Variants in RASGRF2 observed in about 807,000 individuals in gnomAD.
RASGRF2 encodes Ras protein specific guanine nucleotide releasing factor 2.
Under a neutral mutation model 151.0 loss-of-function variants are expected in RASGRF2, and 76 were observed. That is an observed-to-expected ratio of 0.50 (90% CI 0.42 to 0.61). The LOEUF (loss-of-function observed/expected upper bound fraction) is 0.61. RASGRF2 is among the 20% of genes least tolerant of loss of function. The pLI is 0.00. For missense variants in RASGRF2, 1,148 were observed against 1,564.6 expected (o/e 0.73, Z 4.49); for synonymous variants, 504 against 566.5 (o/e 0.89, Z 1.57).
At chr5:81,135,543 T>C (rs1008061783) in intron 17 of RASGRF2, among the ~76,000 whole-genome samples, 3 of 152,250 alleles carry the variant, frequency 2.0e-5, no homozygotes, top group African/African-American at 7.2e-5. Context: ...TGTGCCCTTT[T>C]GTGACTGGCT....
At position 80,961,021 on chromosome 5, in the gene RASGRF2, A is replaced by T. The variant is rs1266543670; in HGVS notation, c.283A>T (p.Lys95Ter). Reference sequence around the variant, plus strand: ...GGGAGGCGTCCGAGACGCGCTGGACAAGCAGGTACCGCGCGCCTTCTCTCC... The same window carrying T: ...GGGAGGCGTCCGAGACGCGCTGGACTAGCAGGTACCGCGCGCCTTCTCTCC... ...GQGGVRDALD[K>*]QYYFTVLFGH... Residue 95 changes from lysine (K) to a stop codon, truncating the protein, a stop_gained, in exon 1 of 27, where the codon AAG becomes TAG. Coordinates refer to ENST00000265080, the MANE Select transcript of RASGRF2 (RefSeq NM_006909.3). LOFTEE classifies it high-confidence loss of function. The T allele has an allele frequency of 6.8e-7, 1 of 1,476,284 alleles. No individual in the cohort carries two copies. 91.4% of individuals were successfully genotyped at this position (1,476,284 alleles called of 1,614,324 possible). A position where few individuals can be genotyped will look rare whatever the true frequency, so the allele number is the denominator to read the frequency against.
At chr5:81,013,682 A>G (rs1310974612) in intron 1 of RASGRF2, among the ~76,000 whole-genome samples, 1 of 151,754 alleles carries the variant, frequency 6.6e-6, no homozygotes, top group Non-Finnish European at 1.5e-5. Flanking sequence ...TGTTGTATGT[A>G]TTATCCCAGA....
In RASGRF2 at chr5:81,144,787, CAG is replaced by C. The variant is rs1203920220; in HGVS notation, c.2686+17629_2686+17630del. 3.3e-5 allele frequency among the ~76,000 whole-genome samples: 5 copies of C among 152,306 alleles called. No individual in the cohort carries two copies. In the East Asian group the frequency reaches 9.7e-4, roughly 29 times the overall value. On this transcript the variant is annotated intron_variant, in intron 17 of 26. Transcript: ENST00000265080. ...TATACTCAGGTTCCAGCAGAGGATA[CAG>C]AGAGTTAAGTAAATCACCTAAGGTC...
intron 18 of RASGRF2, among the ~76,000 whole-genome samples, chr5:81,197,797 A>G (rs1237946948): frequency 6.6e-6 from 1 of 152,262 alleles, no homozygotes; most frequent in Non-Finnish European, 1.5e-5. Flanking sequence ...GTCTGTACAT[A>G]TAAAGATATA....
At position 81,087,170 on chromosome 5, in the gene RASGRF2, G is replaced by A. The variant is rs902837660; in HGVS notation, c.1390+217G>A. The A allele has an allele frequency of 5.7e-6, 4 of 702,644 alleles. No individual in the cohort carries two copies. The Admixed American group carries it at 8.0e-5, about 14-fold the overall frequency. 43.5% of individuals were successfully genotyped at this position (702,644 alleles called of 1,614,324 possible). On this transcript the variant is annotated intron_variant, in intron 9 of 26. Coordinates refer to ENST00000265080, the MANE Select transcript of RASGRF2 (RefSeq NM_006909.3). ...AACACAATCATAGTAAAGCACGAGT[G>A]GGGCAGGCAGTTACATTCTGACTGG... is the stretch of plus-strand genomic sequence containing the variant.
chr5:81,158,951 G>T (rs1368157980), intron 17 of RASGRF2, among the ~76,000 whole-genome samples: 1 of 152,186 alleles, frequency 6.6e-6, no homozygotes, highest in Non-Finnish European at 1.5e-5. Flanking sequence ...TGTCTGCCAT[G>T]AGAAATGAAC....
chr5:81,106,535 A>G (rs1459759350), intron 12 of RASGRF2, among the ~76,000 whole-genome samples: 2 of 152,158 alleles, frequency 1.3e-5, no homozygotes, highest in South Asian at 2.1e-4. Flanking sequence ...GCCTGCCTCC[A>G]ACTGATTTCT....
intron 18 of RASGRF2, among the ~76,000 whole-genome samples, chr5:81,196,284 A>T (rs995343308): frequency 6.6e-6 from 1 of 152,204 alleles, no homozygotes; most frequent in Non-Finnish European, 1.5e-5. Flanking sequence ...ACAAAAAATT[A>T]TATACTAAAG....
At chr5:81,138,965 A>G (rs1256222615) in intron 17 of RASGRF2, among the ~76,000 whole-genome samples, 1 of 152,138 alleles carries the variant, frequency 6.6e-6, no homozygotes, top group Non-Finnish European at 1.5e-5. Context: ...TGATCTATTA[A>G]TTTTGTAGGT....
chr5:81,217,505 A>G lies in RASGRF2; in HGVS notation c.3552+32A>G, dbSNP rs761223649. The G allele has an allele frequency of 1.5e-5, 24 of 1,573,254 alleles. No individual in the cohort carries two copies. The East Asian group carries it at 2.3e-4, about 15-fold the overall frequency. On this transcript the variant is annotated intron_variant, in intron 25 of 26. Transcript: ENST00000265080. ...ATAATTTCATAATTAGCCTGTTTCA[A>G]TGGCTTTAGAGGTTTATAGAGAAGA...
chr5:81,201,367 T>G lies in RASGRF2; in HGVS notation c.2831T>G (p.Leu944Arg). Residue 944 changes from leucine (L) to arginine (R), a missense_variant, in exon 19 of 27, where the codon CTA becomes CGA. Transcript: ENST00000265080. Reference sequence around the variant, plus strand: ...AACAATGAACTAAAGATGAATGTCCTAAATTTGCTAGAAGAAGTTTTGCGA... The same window carrying G: ...AACAATGAACTAAAGATGAATGTCCGAAATTTGCTAGAAGAAGTTTTGCGA... ...ELNNELKMNV[L>R]NLLEEVLRDP... The G allele has an allele frequency of 6.2e-7, 1 of 1,613,584 alleles. No individual in the cohort carries two copies. Among genetic ancestry groups the G allele is most frequent in the Non-Finnish European group, 8.5e-7 (1 of 1,179,848 alleles).
chr5:80,966,613 A>C (rs1254971771), intron 1 of RASGRF2, among the ~76,000 whole-genome samples: 2 of 152,190 alleles, frequency 1.3e-5, no homozygotes, highest in African/African-American at 4.8e-5. Flanking sequence ...ATTTTTGCCC[A>C]AGGAGTTAAA....
At chr5:81,093,333 A>G (rs913962463) in intron 10 of RASGRF2, among the ~76,000 whole-genome samples, 7 of 152,136 alleles carry the variant, frequency 4.6e-5, no homozygotes, top group African/African-American at 1.7e-4. Flanking sequence ...GCTAAATCCT[A>G]TTTTATCTTT....
intron 2 of RASGRF2, among the ~76,000 whole-genome samples, chr5:81,047,243 T>C (rs1315446503): frequency 1.3e-5 from 2 of 152,170 alleles, no homozygotes; most frequent in African/African-American, 4.8e-5. Context: ...AGACACTGAA[T>C]TGATCCCTTG....
chr5:81,200,718 C>G (rs1227305569), intron 18 of RASGRF2, among the ~76,000 whole-genome samples: 1 of 152,178 alleles, frequency 6.6e-6, no homozygotes, highest in African/African-American at 2.4e-5. Flanking sequence ...AGGGAGTTGA[C>G]AGCCGTGAGT....
chr5:81,123,660 C>G lies in RASGRF2; in HGVS notation c.2489C>G (p.Pro830Arg), dbSNP rs772452140. Residue 830 changes from proline (P) to arginine (R), a missense_variant, in exon 16 of 27, where the codon CCA (proline) becomes CGA (arginine). Transcript: ENST00000265080. ...CAAGCAGCAGTCCTAGAGTCTGCAC[C>G]AGCGGACCGAGCAGGAGTGGAAAGC... ...SIQKAVLESAPADRAGVESSP... is the reference protein window; with the variant it reads ...SIQKAVLESARADRAGVESSP... 1 of 1,613,884 alleles carries G rather than the reference C, an allele frequency of 6.2e-7. No individual in the cohort carries two copies.
intron 1 of RASGRF2, among the ~76,000 whole-genome samples, chr5:81,005,467 G>T (rs993577763): frequency 2.6e-5 from 4 of 152,140 alleles, no homozygotes; most frequent in African/African-American, 9.7e-5. Context: ...AACACATGGG[G>T]ATTATGGGAA....
chr5:81,037,323 T>C (rs1336815421), intron 1 of RASGRF2, among the ~76,000 whole-genome samples: 1 of 152,172 alleles, frequency 6.6e-6, no homozygotes, highest in Non-Finnish European at 1.5e-5. Flanking sequence ...TGATTGGTAG[T>C]TTAGTTGAAT....
At position 81,225,748 on chromosome 5, in the gene RASGRF2, T is replaced by C; in HGVS notation, c.3692T>C (p.Ile1231Thr). 1 of 1,612,528 alleles carries C rather than the reference T, an allele frequency of 6.2e-7. No homozygotes were observed. The highest frequency in any genetic ancestry group is 1.1e-5 in the South Asian group (1 of 90,588). ...EDTLYELSLK[I>T]EPRLPA ...ACGCTATATGAGCTGTCACTAAAAA[T>C]TGAACCTCGACTCCCTGCTTGAAGA... is the stretch of plus-strand genomic sequence containing the variant. The change falls in exon 27 of 27, where the codon ATT becomes ACT. Residue 1231 changes from isoleucine (I) to threonine (T), a missense_variant. This residue lies in a region of RASGRF2 where 100 missense variants were observed against 148.2 expected (regional missense o/e 0.67). Transcript: ENST00000265080.
Sources: allele counts gnomAD v4.1 joint callset (sites outside exome capture counted in the v4.1 genomes callset), GRCh38; gene constraint gnomAD v4.1.1; regional missense constraint gnomAD v4.1.1; transcripts MANE v1.5; gene names NCBI Gene and HGNC (gene_info 2026-07-23, HGNC 2026-07-21).